Variants in UBXN2B observed in about 807,000 individuals in gnomAD.
UBXN2B encodes the protein UBX domain protein 2B, also known as UBX domain-containing protein 2B.
A neutral mutation model predicts 37.5 loss-of-function variants in UBXN2B; 19 were observed. That is an observed-to-expected ratio of 0.51 (90% CI 0.35 to 0.74). The LOEUF (loss-of-function observed/expected upper bound fraction) is 0.74, where lower values mean the gene tolerates loss of function less well. UBXN2B is among the 30% of genes least tolerant of loss of function. The pLI is 0.01. For missense variants in UBXN2B, 370 were observed against 393.2 expected, an observed-to-expected ratio of 0.94 and a Z score of 0.50; for synonymous variants, 145 against 143.8, an observed-to-expected ratio of 1.01 and a Z score of -0.06.
chr8:58,440,997 CT>C (rs201097674), intron 6 of UBXN2B, among the ~76,000 whole-genome samples: 614 of 143,440 alleles, frequency 4.3e-3, no homozygotes, highest in African/African-American at 0.01. Context: ...CTTTCTTTCT[CT>C]TTTTTTTTTT....
chr8:58,434,357 A>C, intron 4 of UBXN2B, 38 bp from the exon 5 acceptor site: 1 of 529,088 alleles, frequency 1.9e-6, no homozygotes, highest in Non-Finnish European at 2.6e-6. Flanking sequence ...GAATATATAT[A>C]TATATATATA....
At chr8:58,439,181 T>G (rs1808486859) in intron 5 of UBXN2B, among the ~76,000 whole-genome samples, 1 of 152,182 alleles carries the variant, frequency 6.6e-6, no homozygotes, top group Admixed American at 6.5e-5. Flanking sequence ...CTCTTTGCTT[T>G]ATAAATTACC....
intron 2 of UBXN2B, chr8:58,425,000 G>A: frequency 1.3e-6 from 1 of 786,178 alleles, no homozygotes; most frequent in Non-Finnish European, 2.3e-6. Flanking sequence ...GCACTGCCGT[G>A]CACCACGACT....
At chr8:58,413,627 T>C (rs1807698000) in intron 1 of UBXN2B, among the ~76,000 whole-genome samples, 1 of 152,162 alleles carries the variant, frequency 6.6e-6, no homozygotes, top group African/African-American at 2.4e-5. Context: ...GTATCTTAGC[T>C]GCCATGCAGT....
chr8:58,416,587 T>C (rs1200389412), intron 1 of UBXN2B, among the ~76,000 whole-genome samples: 2 of 152,182 alleles, frequency 1.3e-5, no homozygotes, highest in African/African-American at 4.8e-5. Flanking sequence ...TAAAACAGAT[T>C]TTGACACTGT....
intron 5 of UBXN2B, among the ~76,000 whole-genome samples, chr8:58,436,154 CAG>C (rs1808407046): frequency 6.6e-6 from 1 of 152,136 alleles, no homozygotes; most frequent in Non-Finnish European, 1.5e-5. Context: ...GGTATAAAAA[CAG>C]AAAAATGAAG....
chr8:58,413,526 T>G (rs1050395151), intron 1 of UBXN2B, among the ~76,000 whole-genome samples: 2 of 152,196 alleles, frequency 1.3e-5, no homozygotes, highest in Non-Finnish European at 2.9e-5. Context: ...TATTTCTTAC[T>G]TCCCTAACAG....
intron 2 of UBXN2B, chr8:58,425,068 A>G (rs1285901997): frequency 1.3e-6 from 1 of 784,040 alleles, no homozygotes; most frequent in Non-Finnish European, 2.4e-6. Flanking sequence ...GAAGTCCAGC[A>G]CACCCCTGGG....
intron 2 of UBXN2B, chr8:58,425,495 G>A: frequency 9.0e-7 from 1 of 1,117,140 alleles, no homozygotes. Context: ...TCACCATCGT[G>A]TAGGACAACC....
At position 58,430,559 on chromosome 8, in the gene UBXN2B, G is replaced by A. The variant is rs1808245847; in HGVS notation, c.229G>A (p.Val77Ile). 3.7e-6 allele frequency: 6 copies of A among 1,604,694 alleles called. No homozygotes were observed. Among genetic ancestry groups the A allele is most frequent in the Non-Finnish European group, 5.1e-6 (6 of 1,174,958 alleles). The part of the protein sequence containing the change: ...SEHEYSGLNI[V>I]RPSTGKIVNE... ...ACATGAATACAGTGGATTAAATATAGTTCGACCTTCAACTGGGAAAATTGT... is the reference window on the plus strand; with the variant it reads ...ACATGAATACAGTGGATTAAATATAATTCGACCTTCAACTGGGAAAATTGT... The change falls in exon 3 of 8, where the codon GTT becomes ATT. Residue 77 changes from valine (V) to isoleucine (I), a missense_variant. Physicochemically the swap from Val to Ile is conservative, Grantham distance 29. This residue lies in a region of UBXN2B where 197 missense variants were observed against 170.2 expected (regional missense o/e 1.16). Transcript: ENST00000399598.
intron 7 of UBXN2B, 137 bp downstream of exon 7, chr8:58,446,205 A>C: frequency 1.1e-6 from 1 of 919,616 alleles, no homozygotes; most frequent in Non-Finnish European, 1.5e-6. Flanking sequence ...TTTTGACAGA[A>C]GAAACATTTT....
At chr8:58,423,080 ATC>A (rs1807969717) in intron 2 of UBXN2B, among the ~76,000 whole-genome samples, 14 of 18,844 alleles carry the variant, frequency 7.4e-4, no homozygotes, top group African/African-American at 7.1e-3. Flanking sequence ...GTGAGACGAA[ATC>A]ATCATCATCA....
At chr8:58,426,542 A>G in intron 2 of UBXN2B, 5 of 745,232 alleles carry the variant, frequency 6.7e-6, no homozygotes, top group South Asian at 1.3e-5. Context: ...TGACAGCTCC[A>G]TTTCTTCTAA....
intron 2 of UBXN2B, among the ~76,000 whole-genome samples, chr8:58,420,763 A>G (rs1219827463): frequency 4.6e-5 from 7 of 152,256 alleles, no homozygotes; most frequent in East Asian, 1.9e-4. Context: ...CAACTGTTCA[A>G]TAGTTTTTGC....
At chr8:58,441,507 C>T (rs1808551283) in intron 6 of UBXN2B, among the ~76,000 whole-genome samples, 1 of 151,870 alleles carries the variant, frequency 6.6e-6, no homozygotes, top group Non-Finnish European at 1.5e-5. Flanking sequence ...CTAGTCATCT[C>T]TTCAATATAT....
intron 7 of UBXN2B, among the ~76,000 whole-genome samples, chr8:58,446,828 T>C (rs1364492282): frequency 5.7e-5 from 7 of 123,892 alleles, no homozygotes; most frequent in Non-Finnish European, 1.2e-4. Context: ...GACAGAGTCT[T>C]ACTCTGTCTC....
intron 7 of UBXN2B, among the ~76,000 whole-genome samples, chr8:58,446,779 A>ATTTTTTTTTTTTCTTTTTTTTTTT (rs1808683173): frequency 5.8e-5 from 1 of 17,386 alleles, no homozygotes; most frequent in African/African-American, 2.2e-4. Context: ...TACAACCTGC[A>ATTTTTTTTTTTTCTTTTTTTTTTT]TTTTTTTTTT....
chr8:58,425,871 T>C, intron 2 of UBXN2B: 1 of 1,157,350 alleles, frequency 8.6e-7, no homozygotes, highest in Non-Finnish European at 1.3e-6. Context: ...TGGGCCACTT[T>C]AGACTTGCCG....
At chr8:58,427,509 G>A (rs1252245234) in intron 2 of UBXN2B, among the ~76,000 whole-genome samples, 3 of 152,176 alleles carry the variant, frequency 2.0e-5, no homozygotes, top group South Asian at 2.1e-4. Flanking sequence ...TCAATGGAAC[G>A]GAGAGAAAAG....
Sources: gnomAD v4.1 joint callset for allele counts (sites outside exome capture counted in the v4.1 genomes callset) on GRCh38, gnomAD v4.1.1 for gene constraint, gnomAD v4.1.1 regional missense constraint, MANE v1.5 for transcripts, NCBI Gene and HGNC (gene_info 2026-07-23, HGNC 2026-07-21) for gene names.